PCDH15: variants seen among roughly 807,000 people sequenced by gnomAD.
PCDH15 encodes the protein protocadherin-15.
A neutral mutation model predicts 178.5 loss-of-function variants in PCDH15; 129 were observed. That is an observed-to-expected ratio of 0.72 (90% CI 0.63 to 0.84). PCDH15 has a LOEUF of 0.84. Ranked by LOEUF, PCDH15 falls within the 40% of genes least tolerant of loss-of-function variation. PCDH15 has a pLI of 0.00. For missense variants in PCDH15, 2,230 were observed against 2,099.9 expected, an observed-to-expected ratio of 1.06 and a Z score of -1.21; for synonymous variants, 800 against 732.0, an observed-to-expected ratio of 1.09 and a Z score of -1.50.
chr10:55,486,098 C>A (rs1382007004), intron 2 of PCDH15, among the ~76,000 whole-genome samples: 3 of 151,610 alleles, frequency 2.0e-5, no homozygotes, highest in Non-Finnish European at 4.4e-5. Flanking sequence ...CTAGTTATGC[C>A]CCATTTATTC....
intron 1 of PCDH15, among the ~76,000 whole-genome samples, chr10:55,315,007 G>A (rs1056134988): frequency 1.3e-5 from 2 of 151,994 alleles, no homozygotes; most frequent in East Asian, 3.9e-4. Context: ...TTATACATCT[G>A]TGTACTTTGT....
Position 53,806,521 on chromosome 10 carries a change from AG to A in PCDH15, c.*57del. 7.4e-7 allele frequency: 1 copy of A among 1,353,884 alleles called. No homozygotes were observed. The highest frequency in any genetic ancestry group is 1.0e-6 in the Non-Finnish European group (1 of 996,484). The allele number at this position is 1,353,884 out of a possible 1,614,324, so 83.9% of individuals were successfully genotyped here. ...CATTGTTTTCTCAGTGACAATAAAA[AG>A]CACAGTTTATTAAAAATGTAAGTAA... On this transcript the variant is annotated 3_prime_UTR_variant, in exon 38 of 38. Transcript: ENST00000644397.
chr10:53,877,758 C>T (rs1589213532), intron 26 of PCDH15, among the ~76,000 whole-genome samples: 3 of 152,178 alleles, frequency 2.0e-5, no homozygotes, highest in Admixed American at 6.5e-5. Context: ...TCCTCCCCCT[C>T]GGTTTAATCT....
intron 1 of PCDH15, among the ~76,000 whole-genome samples, chr10:55,264,811 T>C (rs1842237556): frequency 6.6e-6 from 1 of 152,154 alleles, no homozygotes; most frequent in Non-Finnish European, 1.5e-5. Context: ...GAAGGAACCA[T>C]TCATTTTGAG....
At chr10:55,298,964 T>C (rs913129582) in intron 1 of PCDH15, among the ~76,000 whole-genome samples, 1 of 152,204 alleles carries the variant, frequency 6.6e-6, no homozygotes, top group Non-Finnish European at 1.5e-5. Context: ...CAATGCCATG[T>C]ACCTAGAAGG....
intron 26 of PCDH15, among the ~76,000 whole-genome samples, chr10:53,867,895 C>A (rs187049419): frequency 6.6e-6 from 1 of 152,020 alleles, no homozygotes; most frequent in African/African-American, 2.4e-5. Flanking sequence ...TCCTGTATCC[C>A]GATTAAACAT....
At chr10:54,939,473 C>T (rs1379847889) in intron 2 of PCDH15, among the ~76,000 whole-genome samples, 1 of 82,804 alleles carries the variant, frequency 1.2e-5, no homozygotes, top group African/African-American at 4.6e-5. Flanking sequence ...CCAGTCTGGG[C>T]AATAGAATGA....
At chr10:53,936,576 G>C (rs1315251880) in intron 25 of PCDH15, among the ~76,000 whole-genome samples, 1 of 152,056 alleles carries the variant, frequency 6.6e-6, no homozygotes. Flanking sequence ...TGTTTGAAAT[G>C]TTCCAAGTAA....
chr10:54,189,919 ATGTGTATGTGTGTGTGTG>A (rs1186555996), intron 11 of PCDH15, among the ~76,000 whole-genome samples: 1 of 108,750 alleles, frequency 9.2e-6, no homozygotes, highest in East Asian at 2.1e-4. Context: ...GTATACATGC[ATGTGTATGTGTGTGTGTG>A]TGTGTGTGTG....
chr10:55,459,766 G>A (rs1308615617), intron 2 of PCDH15, among the ~76,000 whole-genome samples: 1 of 152,064 alleles, frequency 6.6e-6, no homozygotes. Context: ...AATGGTTAAT[G>A]TTGGTGAGTT....
At chr10:55,416,652 G>A (rs531959414) in intron 2 of PCDH15, among the ~76,000 whole-genome samples, 4 of 151,776 alleles carry the variant, frequency 2.6e-5, no homozygotes, top group South Asian at 2.1e-4. Context: ...TTTAACAGGA[G>A]GGCCTCGTAG....
At chr10:54,750,070 A>G (rs1406666071) in intron 1 of PCDH15, among the ~76,000 whole-genome samples, 1 of 152,036 alleles carries the variant, frequency 6.6e-6, no homozygotes. Flanking sequence ...CCTACTACCT[A>G]GGTACATGAA....
intron 8 of PCDH15, among the ~76,000 whole-genome samples, chr10:54,300,699 A>T (rs1000015364): frequency 6.6e-6 from 1 of 152,138 alleles, no homozygotes; most frequent in Admixed American, 6.5e-5. Context: ...TTGTAAATTC[A>T]CCAATCAGCG....
At position 55,034,849 on chromosome 10, in the gene PCDH15, A is replaced by T. The variant is rs1013491028; in HGVS notation, c.-80+131727T>A. 2.6e-5 allele frequency among the ~76,000 whole-genome samples: 4 copies of T among 152,302 alleles called. No individual in the cohort carries two copies. In the East Asian group the frequency reaches 7.7e-4, roughly 29 times the overall value. ...TTATATTTATTAATGCATTTTATACATGTTAGTTAAATTTACTACTTCATA... is the reference window on the plus strand; with the variant it reads ...TTATATTTATTAATGCATTTTATACTTGTTAGTTAAATTTACTACTTCATA... On this transcript the variant is annotated intron_variant, in intron 2 of 5. Transcript: ENST00000458638.
chr10:54,939,018 T>A (rs1160397552), intron 2 of PCDH15, among the ~76,000 whole-genome samples: 4 of 152,174 alleles, frequency 2.6e-5, no homozygotes, highest in Non-Finnish European at 5.9e-5. Context: ...TTGAGAACTG[T>A]GACAGTTTTC....
intron 2 of PCDH15, chr10:55,506,365 T>C (rs1001087907): frequency 4.6e-5 from 7 of 151,502 alleles, no homozygotes; most frequent in Non-Finnish European, 7.4e-5. Context: ...TAGCTCAGAA[T>C]GTAATAACAT....
chr10:55,273,469 A>G (rs1842501366), intron 1 of PCDH15, among the ~76,000 whole-genome samples: 2 of 152,238 alleles, frequency 1.3e-5, no homozygotes, highest in Non-Finnish European at 1.5e-5. Context: ...AAGTTTAAGA[A>G]ACTATTATAA....
At chr10:55,534,755 C>G (rs1444513112) in intron 2 of PCDH15, among the ~76,000 whole-genome samples, 1 of 152,186 alleles carries the variant, frequency 6.6e-6, no homozygotes, top group African/African-American at 2.4e-5. Context: ...CCAAAAACCA[C>G]ATGCACTTGT....
chr10:54,053,472 C>A lies in PCDH15; in HGVS notation c.2220+13285G>T, dbSNP rs571767665. Reference sequence around the variant, plus strand: ...AATAGACAACATAAATATACTCTAGCAATTACTATCAAAATTTGTACACAG... The same window carrying A: ...AATAGACAACATAAATATACTCTAGAAATTACTATCAAAATTTGTACACAG... On this transcript the variant is annotated intron_variant, in intron 18 of 37. Transcript: ENST00000644397. Among the ~76,000 whole-genome samples the A allele has an allele frequency of 4.3e-4, 66 of 152,230 alleles. 1 individual carries two copies. The South Asian group carries it at 0.012, about 28-fold the overall frequency.
Sources: allele counts gnomAD v4.1 joint callset (sites outside exome capture counted in the v4.1 genomes callset), GRCh38; gene constraint gnomAD v4.1.1; transcripts MANE v1.5; gene names NCBI Gene and HGNC (gene_info 2026-07-23, HGNC 2026-07-21).